Variants in ZC3H3 observed in about 807,000 individuals in gnomAD.
ZC3H3 encodes the protein zinc finger CCCH-type containing 3.
A neutral mutation model predicts 77.3 loss-of-function variants in ZC3H3; 36 were observed. The ratio of observed to expected loss-of-function variants is 0.47; its 90% confidence interval spans 0.36 to 0.61. The LOEUF is 0.61. Among genes scored for constraint, ZC3H3 ranks in the 20% least tolerant of loss-of-function variants. The probability of loss-of-function intolerance (pLI) is 0.00; values close to 1 mark genes in which losing one functional copy is unlikely to be tolerated. For missense variants in ZC3H3, 1,331 were observed against 1,312.2 expected (o/e 1.01, Z -0.22); for synonymous variants, 626 against 555.2 (o/e 1.13, Z -1.79).
chr8:143,503,655 CACCACCTCCTCCA>C (rs1245928006), intron 4 of ZC3H3, among the ~76,000 whole-genome samples: 3 of 146,012 alleles, frequency 2.1e-5, no homozygotes, highest in African/African-American at 7.6e-5. Context: ...CTGTCTCCAC[CACCACCTCCTCCA>C]GCACCCAACT....
In ZC3H3 at chr8:143,475,400, G is replaced by A. The variant is rs770775798; in HGVS notation, c.1901C>T (p.Thr634Ile). 1.2e-6 allele frequency: 2 copies of A among 1,612,312 alleles called. No homozygotes were observed. Among genetic ancestry groups the A allele is most frequent in the South Asian group, 2.2e-5 (2 of 90,980 alleles). The change falls in exon 5 of 12, where the codon ACA becomes ATA. Residue 634 changes from threonine (T) to isoleucine (I), a missense_variant and splice_region_variant. Coordinates refer to ENST00000262577, the MANE Select transcript of ZC3H3 (RefSeq NM_015117.3). The stretch of plus-strand genomic sequence containing the variant: ...GCGCCCCCGCCCTCACCTCTCACCT[G>A]TGCGCAGGAGGGGCCTGCTGCCCGC... Reference protein sequence around the residue: ...SDAGSRPLLRTGRLDPAGSCS... With the variant: ...SDAGSRPLLRIGRLDPAGSCS...
chr8:143,451,330 A>G (rs1819982244), intron 9 of ZC3H3, among the ~76,000 whole-genome samples: 5 of 152,240 alleles, frequency 3.3e-5, no homozygotes. Flanking sequence ...GAAAAGGGCA[A>G]TAAGACAGAC....
intron 9 of ZC3H3, among the ~76,000 whole-genome samples, chr8:143,450,165 TA>T (rs769954722): frequency 4.6e-5 from 7 of 152,212 alleles, no homozygotes; most frequent in Admixed American, 1.3e-4. Context: ...TTGCTGTAAA[TA>T]AATACCTCAG....
chr8:143,486,424 C>G (rs1821055052), intron 4 of ZC3H3, among the ~76,000 whole-genome samples: 1 of 152,322 alleles, frequency 6.6e-6, no homozygotes, highest in Admixed American at 6.5e-5. Flanking sequence ...CGTGGCTTTT[C>G]CTCTGGGCAT....
intron 3 of ZC3H3, among the ~76,000 whole-genome samples, chr8:143,528,566 C>T (rs1427611624): frequency 6.6e-6 from 1 of 152,210 alleles, no homozygotes; most frequent in Non-Finnish European, 1.5e-5. Context: ...GGCCGGGGAT[C>T]GAGGCTGGTG....
chr8:143,480,951 C>A (rs939204108), intron 4 of ZC3H3, among the ~76,000 whole-genome samples: 4 of 152,182 alleles, frequency 2.6e-5, no homozygotes, highest in African/African-American at 4.8e-5. Context: ...GATGCCCCGG[C>A]GGGACACACA....
chr8:143,438,032 G>A lies in ZC3H3; in HGVS notation c.*24C>T. On this transcript the variant is annotated 3_prime_UTR_variant, in exon 12 of 12. Coordinates refer to ENST00000262577, the MANE Select transcript of ZC3H3 (RefSeq NM_015117.3). The stretch of plus-strand genomic sequence containing the variant: ...TCTCCAAGGATGAGGGTCTGAGGTA[G>A]GTGCAGGCCGGTCCCTGGGGTCCTC... 1 of 1,607,910 alleles carries A rather than the reference G, an allele frequency of 6.2e-7. No individual in the cohort carries two copies. Among genetic ancestry groups the A allele is most frequent in the Non-Finnish European group, 8.5e-7 (1 of 1,177,450 alleles).
At position 143,468,503 on chromosome 8, in the gene ZC3H3, C is replaced by T. The variant is rs1347344632; in HGVS notation, c.1984G>A (p.Ala662Thr). 2 of 1,609,126 alleles carry T rather than the reference C, an allele frequency of 1.2e-6. No homozygotes were observed. The highest frequency in any genetic ancestry group is 1.7e-6 in the Non-Finnish European group (2 of 1,178,396). The change falls in exon 7 of 12, where the codon GCG (alanine) becomes ACG (threonine). Residue 662 changes from alanine to threonine, a missense_variant. By Grantham distance (58) the Ala-to-Thr change is moderately conservative. Transcript: ENST00000262577. ...TTCCTCTTCTCCCTGCGCTGCCGCG[C>T]CTGCCGGATGATGGCCAGGCTGCGC... ...VQRSLAIIRQARQRREKRKEY... is the reference protein window; with the variant it reads ...VQRSLAIIRQTRQRREKRKEY...
chr8:143,479,088 C>T (rs1820833013), intron 4 of ZC3H3, among the ~76,000 whole-genome samples: 1 of 152,208 alleles, frequency 6.6e-6, no homozygotes, highest in Non-Finnish European at 1.5e-5. Flanking sequence ...ACACCTAGCC[C>T]AAGAGCCTCA....
rs780718521 is a variant in ZC3H3, at chr8:143,538,151, G to A, written c.1216C>T (p.Gln406Ter). 2 of 1,613,088 alleles carry A rather than the reference G, an allele frequency of 1.2e-6. No homozygotes were observed. Among genetic ancestry groups the A allele is most frequent in the Non-Finnish European group, 8.5e-7 (1 of 1,180,032 alleles). The part of the protein sequence containing the change: ...SEASSKDHAS[Q>*]LSPVLSRSPS... The stretch of plus-strand genomic sequence containing the variant: ...GACCTAGACAGGACTGGGGAGAGCT[G>A]GGAGGCATGGTCCTTGCTGCTGGCC... Residue 406 changes from glutamine (Q) to a stop codon, truncating the protein, a stop_gained, in exon 2 of 12, where the codon CAG becomes TAG. Coordinates refer to ENST00000262577, the MANE Select transcript of ZC3H3 (RefSeq NM_015117.3). LOFTEE classifies it high-confidence loss of function.
chr8:143,477,671 G>C (rs1370596684), intron 4 of ZC3H3, among the ~76,000 whole-genome samples: 1 of 152,228 alleles, frequency 6.6e-6, no homozygotes, highest in Non-Finnish European at 1.5e-5. Context: ...TCAGAGGCAG[G>C]TTCTGACCTT....
intron 9 of ZC3H3, among the ~76,000 whole-genome samples, chr8:143,445,369 G>A (rs2129799367): frequency 8.8e-6 from 1 of 113,952 alleles, no homozygotes; most frequent in East Asian, 2.8e-4. Context: ...CAACAACAGT[G>A]AAACTTTGTC....
At chr8:143,446,359 G>A (rs1819863231) in intron 9 of ZC3H3, among the ~76,000 whole-genome samples, 1 of 152,196 alleles carries the variant, frequency 6.6e-6, no homozygotes, top group Non-Finnish European at 1.5e-5. Flanking sequence ...ACGTCACAAA[G>A]AAATGCAAAG....
chr8:143,498,161 G>A (rs1356347391), intron 4 of ZC3H3, among the ~76,000 whole-genome samples: 1 of 152,198 alleles, frequency 6.6e-6, no homozygotes, highest in East Asian at 1.9e-4. Context: ...CCACCTGCCT[G>A]GGGGACCCTG....
chr8:143,457,508 G>A (rs1820152728), intron 9 of ZC3H3, among the ~76,000 whole-genome samples: 1 of 152,080 alleles, frequency 6.6e-6, no homozygotes, highest in African/African-American at 2.4e-5. Flanking sequence ...GAGGCGGATG[G>A]ACTCTTAAGC....
At chr8:143,490,050 C>T (rs1408229175) in intron 4 of ZC3H3, among the ~76,000 whole-genome samples, 3 of 152,158 alleles carry the variant, frequency 2.0e-5, no homozygotes, top group Non-Finnish European at 2.9e-5. Context: ...CTTAGACACC[C>T]GTGGTTCCTA....
intron 7 of ZC3H3, 36 bp from the exon 8 acceptor site, chr8:143,468,314 C>CGGCAGGGACCAAG: frequency 6.2e-7 from 1 of 1,611,938 alleles, no homozygotes; most frequent in Non-Finnish European, 8.5e-7. Flanking sequence ...GAGGAAGGGC[C>CGGCAGGGACCAAG]GGCAGGGACC....
At chr8:143,488,948 CT>C (rs1467851003) in intron 4 of ZC3H3, among the ~76,000 whole-genome samples, 3 of 152,260 alleles carry the variant, frequency 2.0e-5, no homozygotes, top group African/African-American at 7.2e-5. Flanking sequence ...CTCAGATCCG[CT>C]GTCCATGTTT....
In ZC3H3 at chr8:143,460,060, C is replaced by CAA. The variant is rs1293827592; in HGVS notation, c.2307+5656_2307+5657insTT. On this transcript the variant is annotated intron_variant, in intron 9 of 11. Transcript: ENST00000262577. The surrounding 1 kb of genome is among the most constrained non-coding windows in gnomAD (Gnocchi z 4.0). ...TCACGAGTTTGAGACCAGCCTGGCC[C>CAA]CATGGTGTGACCCTGTCTCTACTAA... 4.1e-4 allele frequency among the ~76,000 whole-genome samples: 63 copies of CAA among 151,910 alleles called. No homozygotes were observed. The highest frequency in any genetic ancestry group is 1.4e-3 in the African/African-American group (57 of 41,348).
Sources: gnomAD v4.1 joint callset for allele counts (sites outside exome capture counted in the v4.1 genomes callset) on GRCh38, gnomAD v4.1.1 for gene constraint, Gnocchi (gnomAD v3.1) non-coding constraint, MANE v1.5 for transcripts, NCBI Gene and HGNC (gene_info 2026-07-23, HGNC 2026-07-21) for gene names.